The following FMO5 variants were observed in gnomAD, a reference collection of about 807,000 sequenced individuals.
FMO5 encodes flavin-containing monooxygenase 5.
In FMO5, 51 loss-of-function variants were observed where a neutral mutation model predicts 43.6. The observed-to-expected ratio is 1.17, with a 90% CI of 0.93 to 1.48. The LOEUF (loss-of-function observed/expected upper bound fraction) is 1.48. FMO5 is among the 40% of genes most tolerant of loss of function. The probability of loss-of-function intolerance (pLI) is 0.00; values close to 1 mark genes in which losing one functional copy is unlikely to be tolerated. For synonymous variants in FMO5, 187 were observed against 216.5 expected (o/e 0.86, Z 1.20); for missense variants, 644 against 643.0 (o/e 1.00, Z -0.02).
intron 7 of FMO5, among the ~76,000 whole-genome samples, chr1:147,198,005 T>C (rs1245287069): frequency 6.6e-6 from 1 of 152,200 alleles, no homozygotes; most frequent in Non-Finnish European, 1.5e-5. Flanking sequence ...TCTGTGGTGG[T>C]AGGCCTTCAG....
chr1:147,190,750 G>A (rs760752408), intron 7 of FMO5, among the ~76,000 whole-genome samples: 11 of 151,864 alleles, frequency 7.2e-5, no homozygotes, highest in African/African-American at 1.9e-4. Flanking sequence ...TGTTACATAC[G>A]TATACATGTG....
chr1:147,215,729 C>T (rs782774655), intron 3 of FMO5, 25 bp downstream of exon 3: 1 of 1,537,936 alleles, frequency 6.5e-7, no homozygotes, highest in East Asian at 2.3e-5. Context: ...ACTTCAAACA[C>T]AAAGATACCC....
At chr1:147,210,906 G>GT (rs1660970253) in intron 5 of FMO5, 1 of 152,076 alleles carries the variant, frequency 6.6e-6, no homozygotes, top group Non-Finnish European at 1.5e-5. Flanking sequence ...AAAAAGGAAT[G>GT]TTTTCTCTTT....
At position 147,191,477 on chromosome 1, in the gene FMO5, GTCT is replaced by G. The variant is rs1656794205; in HGVS notation, c.1184-1231_1184-1229del. On this transcript the variant is annotated intron_variant, in intron 7 of 8. Transcript: ENST00000254090. ...TCATGTATTTTTTGGCTGCATAAAT[GTCT>G]TCTTTTGAGAAGTGTCTGTTCATAT... is the stretch of plus-strand genomic sequence containing the variant. Among the ~76,000 whole-genome samples the G allele has an allele frequency of 2.0e-5, 3 of 152,126 alleles. No individual in the cohort carries two copies. The South Asian group carries it at 6.2e-4, about 31-fold the overall frequency.
rs1553923045 is a variant in FMO5 at position 147,208,839 on chromosome 1, C to T, written c.830+13G>A. ...TTGGCCACTATCCCTGCACTCCCAT[C>T]CTGGGAACATACCTGTGTTTAGGCT... On this transcript the variant is annotated intron_variant, in intron 6 of 8. Coordinates refer to ENST00000254090, the MANE Select transcript of FMO5 (RefSeq NM_001461.4). 4 of 1,609,532 alleles carry T rather than the reference C, an allele frequency of 2.5e-6. No homozygotes were observed. Among genetic ancestry groups the T allele is most frequent in the Non-Finnish European group, 3.4e-6 (4 of 1,175,920 alleles).
chr1:147,186,339 C>T lies in FMO5; in HGVS notation c.*561G>A, dbSNP rs1425496739. 1.0e-6 allele frequency: 1 copy of T among 977,348 alleles called. No individual in the cohort carries two copies. Among genetic ancestry groups the T allele is most frequent in the East Asian group, 1.1e-4 (1 of 8,772 alleles). The allele number at this position is 977,348 out of a possible 1,614,324, so 60.5% of individuals were successfully genotyped here. Reference sequence around the variant, plus strand: ...GCTAAAAATGACCATGTTTCAAGTACACTAGTGAATAGCAAGTGAAACAAA... The same window carrying T: ...GCTAAAAATGACCATGTTTCAAGTATACTAGTGAATAGCAAGTGAAACAAA... On this transcript the variant is annotated 3_prime_UTR_variant, in exon 9 of 9. Coordinates refer to ENST00000254090, the MANE Select transcript of FMO5 (RefSeq NM_001461.4).
At chr1:147,204,888 G>A (rs1659696578) in intron 6 of FMO5, 1 of 1,587,010 alleles carries the variant, frequency 6.3e-7, no homozygotes, top group African/African-American at 1.3e-5. Context: ...CTCCCTCCTT[G>A]AGCATCTGGG....
intron 2 of FMO5, among the ~76,000 whole-genome samples, chr1:147,220,908 C>A (rs1488770131): frequency 7.0e-6 from 1 of 142,988 alleles, no homozygotes; most frequent in African/African-American, 2.6e-5. Flanking sequence ...ATGCTAATTT[C>A]TTACTTATAA....
chr1:147,190,858 G>A (rs181409195), intron 7 of FMO5, among the ~76,000 whole-genome samples: 5,561 of 151,628 alleles, frequency 0.037, 150 homozygotes, highest in South Asian at 0.095. Context: ...AACAGTCCCT[G>A]GAGTGTGATG....
At chr1:147,184,591 C>A (rs1553916693), downstream of FMO5, 1 of 1,548,566 alleles carries the variant, frequency 6.5e-7, no homozygotes, top group South Asian at 1.2e-5. This position sits in a 1 kb window ranked among gnomAD's most constrained non-coding sequence, Gnocchi z 4.4. Flanking sequence ...GTAGAATATT[C>A]TTCAACTTGG....
At chr1:147,211,556 CA>C (rs1661071788) in intron 5 of FMO5, 1 of 152,050 alleles carries the variant, frequency 6.6e-6, no homozygotes, top group Non-Finnish European at 1.5e-5. Context: ...TAAAATAAAA[CA>C]ATTTAAAACA....
At chr1:147,217,239 AC>A (rs1451615614) in intron 2 of FMO5, among the ~76,000 whole-genome samples, 3 of 21,098 alleles carry the variant, frequency 1.4e-4, no homozygotes, top group African/African-American at 2.5e-4. Context: ...AACTCCGTCT[AC>A]AAAAAAAAGA....
At chr1:147,212,289 G>T in intron 5 of FMO5, 104 bp downstream of exon 5, 1 of 1,186,828 alleles carries the variant, frequency 8.4e-7, no homozygotes, top group Non-Finnish European at 1.2e-6. Flanking sequence ...GCACTGAAGG[G>T]CTATGTGCAG....
intron 8 of FMO5, among the ~76,000 whole-genome samples, chr1:147,188,644 G>C (rs1553917740): frequency 1.3e-5 from 2 of 150,844 alleles, no homozygotes; most frequent in Non-Finnish European, 2.9e-5. Flanking sequence ...TATACACATA[G>C]TCGGCCTTTA....
chr1:147,200,981 G>C (rs1658863350), intron 7 of FMO5, among the ~76,000 whole-genome samples, 171 bp downstream of exon 7: 1 of 152,058 alleles, frequency 6.6e-6, no homozygotes, highest in South Asian at 2.1e-4. Context: ...GTATGTCCAT[G>C]GTTATAAATT....
intron 5 of FMO5, chr1:147,210,092 A>G (rs1660845939): frequency 6.6e-6 from 1 of 152,210 alleles, no homozygotes; most frequent in African/African-American, 2.4e-5. Flanking sequence ...TCTTGAGGAA[A>G]GTATTATTAC....
chr1:147,222,661 A>C (rs1342744960), intron 2 of FMO5, among the ~76,000 whole-genome samples: 1 of 152,230 alleles, frequency 6.6e-6, no homozygotes, highest in Non-Finnish European at 1.5e-5. Context: ...GTTGGAACAG[A>C]AGTCAGAGCG....
chr1:147,210,315 A>C (rs1660877943), intron 5 of FMO5: 1 of 152,198 alleles, frequency 6.6e-6, no homozygotes, highest in South Asian at 2.1e-4. Context: ...CCTCTGGCTA[A>C]AGTTCATGTT....
chr1:147,209,110 AC>A, intron 5 of FMO5, 59 bp from the exon 6 acceptor site: 1 of 1,459,622 alleles, frequency 6.9e-7, no homozygotes. Context: ...CTTCAAAAGC[AC>A]CCCCATTTTC....
Sources: allele counts gnomAD v4.1 joint callset (sites outside exome capture counted in the v4.1 genomes callset), GRCh38; gene constraint gnomAD v4.1.1; non-coding constraint Gnocchi (gnomAD v3.1); transcripts MANE v1.5; gene names NCBI Gene and HGNC (gene_info 2026-07-23, HGNC 2026-07-21).